The following BCL9 variants were observed in gnomAD, a reference collection of about 807,000 sequenced individuals.
The protein encoded by BCL9 is B-cell CLL/lymphoma 9 protein.
Under a neutral mutation model 88.5 loss-of-function variants are expected in BCL9, and 25 were observed. That is an observed-to-expected ratio of 0.28 (90% CI 0.21 to 0.39). The LOEUF is 0.39. Among genes scored for constraint, BCL9 ranks in the 10% least tolerant of loss-of-function variants. BCL9 has a pLI of 1.00. For missense variants in BCL9, 1,817 were observed against 1,877.8 expected (o/e 0.97, Z 0.60); for synonymous variants, 711 against 673.3 (o/e 1.06, Z -0.87).
chr1:147,586,077 G>T (rs1202425623), intron 1 of BCL9, among the ~76,000 whole-genome samples: 1 of 152,038 alleles, frequency 6.6e-6, no homozygotes, highest in African/African-American at 2.4e-5. Context: ...TCTGTGCTTG[G>T]CACTTTATCT....
In BCL9 at chr1:147,619,925, C is replaced by G. The variant is rs1553204829; in HGVS notation, c.1770C>G (p.Val590=). ...CATCTAGACCAGGTCTTTCTGGAGTCAGTTGGCCAGATGATGTGCCAAAAA... is the reference window on the plus strand; with the variant it reads ...CATCTAGACCAGGTCTTTCTGGAGTGAGTTGGCCAGATGATGTGCCAAAAA... ...NPASRPGLSG[V]SWPDDVPKIP... Residue 590 remains valine (V), a synonymous_variant, in exon 8 of 10, where the codon GTC becomes GTG. Coordinates refer to ENST00000234739, the MANE Select transcript of BCL9 (RefSeq NM_004326.4). The surrounding 1 kb of genome is among the most constrained non-coding windows in gnomAD (Gnocchi z 4.1). The G allele has an allele frequency of 6.2e-7, 1 of 1,614,100 alleles. No homozygotes were observed. The highest frequency in any genetic ancestry group is 1.3e-5 in the African/African-American group (1 of 74,930).
At chr1:147,591,913 G>A (rs1289939481) in intron 1 of BCL9, among the ~76,000 whole-genome samples, 1 of 152,148 alleles carries the variant, frequency 6.6e-6, no homozygotes, top group African/African-American at 2.4e-5. Context: ...TTCTGTTGTA[G>A]TTGTTTCCTC....
chr1:147,598,798 G>A (rs1269205394), intron 1 of BCL9, among the ~76,000 whole-genome samples: 1 of 152,188 alleles, frequency 6.6e-6, no homozygotes, highest in African/African-American at 2.4e-5. Context: ...AAGGACAGAG[G>A]TGTAACAACA....
At chr1:147,613,306 A>C in intron 5 of BCL9, 107 bp downstream of exon 5, 1 of 1,082,698 alleles carries the variant, frequency 9.2e-7, no homozygotes. Context: ...AAGTGGGGAG[A>C]GTAGGTATCA....
rs1658021099 is a variant in BCL9 at position 147,611,877 on chromosome 1, GA to G, written c.44del (p.Asn15ThrfsTer12). 3 of 1,614,156 alleles carry G rather than the reference GA, an allele frequency of 1.9e-6. No individual in the cohort carries two copies. The highest frequency in any genetic ancestry group is 2.5e-6 in the Non-Finnish European group (3 of 1,179,990). On this transcript the variant is annotated frameshift_variant, in exon 4 of 10. Coordinates refer to ENST00000234739, the MANE Select transcript of BCL9 (RefSeq NM_004326.4). LOFTEE classifies it high-confidence loss of function. ...SNPKVRSSPS[G>X]NTQSSPKSKQ... Reference sequence around the variant, plus strand: ...CCTAAAGTGAGGAGCTCTCCATCAGGAAACACACAGAGGTAAGGGCTGGGCT... The same window carrying G: ...CCTAAAGTGAGGAGCTCTCCATCAGGAACACACAGAGGTAAGGGCTGGGCT...
intron 1 of BCL9, among the ~76,000 whole-genome samples, chr1:147,571,754 G>A (rs1015235): frequency 0.22 from 32,914 of 152,040 alleles, 3,714 homozygotes; most frequent in Middle Eastern, 0.32. Context: ...GCTGAGGGTT[G>A]CCTCCTGCAG....
intron 1 of BCL9, among the ~76,000 whole-genome samples, chr1:147,556,392 G>A (rs782137212): frequency 4.0e-5 from 6 of 151,746 alleles, no homozygotes; most frequent in African/African-American, 1.4e-4. Flanking sequence ...CCAAAGTGCT[G>A]GGATTACAGG....
intron 9 of BCL9, among the ~76,000 whole-genome samples, chr1:147,623,042 A>AC (rs1330533803): frequency 6.6e-6 from 1 of 151,362 alleles, no homozygotes; most frequent in Admixed American, 6.6e-5. Context: ...TCATTCCTAT[A>AC]CCCACCCCTC....
chr1:147,590,629 G>A (rs1432088836), intron 1 of BCL9, among the ~76,000 whole-genome samples: 1 of 152,076 alleles, frequency 6.6e-6, no homozygotes, highest in East Asian at 1.9e-4. Context: ...ACATGACCTT[G>A]AACTAGTCTT....
chr1:147,620,020 C>G lies in BCL9; in HGVS notation c.1865C>G (p.Pro622Arg). ...FSGPGRGERFPNPQGLSEEMF... is the reference protein window; with the variant it reads ...FSGPGRGERFRNPQGLSEEMF... ...GGTCCTGGCCGAGGGGAACGCTTCCCAAACCCCCAAGGATTGTCTGAAGAG... is the reference window on the plus strand; with the variant it reads ...GGTCCTGGCCGAGGGGAACGCTTCCGAAACCCCCAAGGATTGTCTGAAGAG... Residue 622 changes from proline to arginine, a missense_variant, in exon 8 of 10, where the codon CCA becomes CGA. Coordinates refer to ENST00000234739, the MANE Select transcript of BCL9 (RefSeq NM_004326.4). 6.2e-7 allele frequency: 1 copy of G among 1,614,172 alleles called. No individual in the cohort carries two copies.
intron 5 of BCL9, 62 bp downstream of exon 5, chr1:147,613,261 A>C: frequency 9.0e-6 from 14 of 1,554,836 alleles, no homozygotes; most frequent in Non-Finnish European, 1.2e-5. Flanking sequence ...AAGGCCTCTG[A>C]CATTCGACAG....
In BCL9 at chr1:147,618,866, G is replaced by T. The variant is rs191990446; in HGVS notation, c.711G>T (p.Gln237His). The change falls in exon 8 of 10, where the codon CAG becomes CAT. Residue 237 changes from glutamine (Q) to histidine (H), a missense_variant. Coordinates refer to ENST00000234739, the MANE Select transcript of BCL9 (RefSeq NM_004326.4). ...ATGATCCGAAACCTCTCCCACAACA[G>T]CCCCCAGCTCCGGCCAACCAGGACC... ...LRNDPKPLPQ[Q>H]PPAPANQDQN... 6.3e-7 allele frequency: 1 copy of T among 1,598,406 alleles called. No individual in the cohort carries two copies. The highest frequency in any genetic ancestry group is 1.3e-5 in the African/African-American group (1 of 74,444).
chr1:147,614,690 T>C, intron 6 of BCL9, 74 bp downstream of exon 6: 2 of 1,412,000 alleles, frequency 1.4e-6, no homozygotes, highest in South Asian at 2.8e-5. Context: ...CATTGCAGAT[T>C]GATCTTTTAT....
intron 5 of BCL9, among the ~76,000 whole-genome samples, chr1:147,613,681 C>T (rs1223317987): frequency 1.3e-5 from 2 of 152,118 alleles, no homozygotes; most frequent in Non-Finnish European, 2.9e-5. Context: ...ATGGCCCTGG[C>T]AGTAGTCCAG....
In BCL9 at chr1:147,577,406, T is replaced by G. The variant is rs587642982; in HGVS notation, c.-477-27371T>G. ...TGCCTTGGATGGAGACAGACTCTCA[T>G]GCTCTTCTCTTATGACTATGGAAGG... On this transcript the variant is annotated intron_variant, in intron 1 of 9. Coordinates refer to ENST00000234739, the MANE Select transcript of BCL9 (RefSeq NM_004326.4). Among the ~76,000 whole-genome samples, 21 of 152,260 alleles carry G rather than the reference T, an allele frequency of 1.4e-4. No homozygotes were observed. The South Asian group carries it at 2.9e-3, about 21-fold the overall frequency.
chr1:147,624,546 G>A lies in BCL9; in HGVS notation c.3868G>A (p.Gly1290Ser). The A allele has an allele frequency of 6.2e-7, 1 of 1,614,174 alleles. No homozygotes were observed. The highest frequency in any genetic ancestry group is 8.5e-7 in the Non-Finnish European group (1 of 1,180,044). The change falls in exon 10 of 10, where the codon GGC (glycine) becomes AGC (serine). Residue 1290 changes from glycine (G) to serine (S), a missense_variant. Gly to Ser is a moderately conservative substitution (Grantham distance 56). Transcript: ENST00000234739. This position sits in a 1 kb window ranked among gnomAD's most constrained non-coding sequence, Gnocchi z 4.4. ...CCCCAGAATGGGACTAGCATTACCT[G>A]GCATGGGAGGTCCAGGGCCAGTGGG... ...QAPRMGLALP[G>S]MGGPGPVGTP...
At chr1:147,606,325 T>C (rs782311508) in intron 2 of BCL9, among the ~76,000 whole-genome samples, 11 of 152,230 alleles carry the variant, frequency 7.2e-5, no homozygotes, top group Admixed American at 2.0e-4. Context: ...TGTAGAGTTA[T>C]GGTGGAGAGC....
At chr1:147,568,930 C>T (rs78480412) in intron 1 of BCL9, among the ~76,000 whole-genome samples, 4,993 of 152,146 alleles carry the variant, frequency 0.033, 120 homozygotes, top group Non-Finnish European at 0.043. Context: ...TGCCAAGTGC[C>T]AGGTATCTCT....
chr1:147,621,110 C>A (rs1658615874), intron 8 of BCL9, 53 bp downstream of exon 8: 5 of 1,501,366 alleles, frequency 3.3e-6, no homozygotes, highest in Admixed American at 2.0e-5. Flanking sequence ...GACTGCTAGA[C>A]CTGATAGTTA....
Sources: allele counts gnomAD v4.1 joint callset (sites outside exome capture counted in the v4.1 genomes callset), GRCh38; gene constraint gnomAD v4.1.1; non-coding constraint Gnocchi (gnomAD v3.1); transcripts MANE v1.5; gene names NCBI Gene and HGNC (gene_info 2026-07-23, HGNC 2026-07-21).